EPS15: variants seen among roughly 807,000 people sequenced by gnomAD.
EPS15 encodes epidermal growth factor receptor pathway substrate 15, also known as epidermal growth factor receptor substrate 15.
In EPS15, 72 loss-of-function variants were observed where a neutral mutation model predicts 113.8. The ratio of observed to expected loss-of-function variants is 0.63; its 90% CI spans 0.52 to 0.77. EPS15 has a LOEUF of 0.77. Ranked by LOEUF, EPS15 falls within the 30% of genes least tolerant of loss-of-function variation. The probability of loss-of-function intolerance (pLI) is 0.00; values close to 1 mark genes in which losing one functional copy is unlikely to be tolerated. For synonymous variants in EPS15, 344 were observed against 363.4 expected, an observed-to-expected ratio of 0.95 and a Z score of 0.61; for missense variants, 1,048 against 1,045.8, an observed-to-expected ratio of 1.00 and a Z score of -0.03.
intron 1 of EPS15, among the ~76,000 whole-genome samples, chr1:51,482,706 T>C (rs1481111490): frequency 6.6e-6 from 1 of 152,142 alleles, no homozygotes; most frequent in Non-Finnish European, 1.5e-5. Context: ...TCTCAAGTGA[T>C]CCACCCGTTG....
chr1:51,475,130 C>T (rs1360455010), intron 2 of EPS15, among the ~76,000 whole-genome samples: 4 of 151,914 alleles, frequency 2.6e-5, no homozygotes, highest in Non-Finnish European at 4.4e-5. Context: ...TGAATAGTGC[C>T]GCAATAAACA....
At chr1:51,493,528 T>A (rs1463461593) in intron 1 of EPS15, among the ~76,000 whole-genome samples, 13 of 133,438 alleles carry the variant, frequency 9.7e-5, no homozygotes, top group Non-Finnish European at 1.9e-4. Flanking sequence ...CAGTCTCAAA[T>A]TAAATAAATA....
chr1:51,508,324 GAGAA>G (rs1644550274), intron 1 of EPS15, among the ~76,000 whole-genome samples: 2 of 123,824 alleles, frequency 1.6e-5, no homozygotes, highest in African/African-American at 7.0e-5. Flanking sequence ...GAGAGAAAGA[GAGAA>G]AGAGAAAGAG....
chr1:51,477,904 G>A (rs1337154858), intron 2 of EPS15, among the ~76,000 whole-genome samples: 1 of 152,198 alleles, frequency 6.6e-6, no homozygotes, highest in Non-Finnish European at 1.5e-5. Flanking sequence ...TAGGTGTGGT[G>A]TGGTGCTGAA....
intron 13 of EPS15, among the ~76,000 whole-genome samples, chr1:51,412,210 A>T (rs1649788594): frequency 6.6e-6 from 1 of 152,086 alleles, no homozygotes; most frequent in Non-Finnish European, 1.5e-5. Context: ...GCCTGTCGGG[A>T]GGTGGGGGAC....
chr1:51,499,823 T>A (rs929283081), intron 1 of EPS15, among the ~76,000 whole-genome samples: 1 of 152,242 alleles, frequency 6.6e-6, no homozygotes, highest in Non-Finnish European at 1.5e-5. Context: ...AACATAAAAT[T>A]GTACATTTTC....
intron 1 of EPS15, among the ~76,000 whole-genome samples, chr1:51,497,542 T>C (rs1644345219): frequency 6.6e-6 from 1 of 152,208 alleles, no homozygotes; most frequent in African/African-American, 2.4e-5. Flanking sequence ...TACTCATTAA[T>C]CAGCCAAGCA....
At chr1:51,448,420 G>A (rs1653250803) in intron 8 of EPS15, among the ~76,000 whole-genome samples, 1 of 151,932 alleles carries the variant, frequency 6.6e-6, no homozygotes, top group Non-Finnish European at 1.5e-5. Context: ...AATTTGAGAA[G>A]ACAACATATG....
In EPS15 at chr1:51,356,613, T is replaced by C; in HGVS notation, c.*87A>G. The C allele has an allele frequency of 8.7e-7, 1 of 1,145,420 alleles. No individual in the cohort carries two copies. The highest frequency in any genetic ancestry group is 1.2e-6 in the Non-Finnish European group (1 of 823,984). 71.0% of individuals were successfully genotyped at this position (1,145,420 alleles called of 1,614,324 possible). A position where few individuals can be genotyped will look rare whatever the true frequency, so the allele number is the denominator to read the frequency against. On this transcript the variant is annotated 3_prime_UTR_variant, in exon 25 of 25. Coordinates refer to ENST00000371733, the MANE Select transcript of EPS15 (RefSeq NM_001981.3). Reference sequence around the variant, plus strand: ...TCTCAAACCTTTTGTATTCCCATGCTCACAGGTAGTTTTGATACACATTGT... The same window carrying C: ...TCTCAAACCTTTTGTATTCCCATGCCCACAGGTAGTTTTGATACACATTGT...
At chr1:51,463,025 G>A (rs933005214) in intron 7 of EPS15, 1 of 151,778 alleles carries the variant, frequency 6.6e-6, no homozygotes, top group Non-Finnish European at 1.5e-5. Context: ...CACAGACTGC[G>A]CACCACCACG....
intron 8 of EPS15, among the ~76,000 whole-genome samples, chr1:51,448,579 G>C (rs1653267847): frequency 1.3e-5 from 2 of 152,070 alleles, no homozygotes; most frequent in Admixed American, 6.6e-5. Flanking sequence ...TAAAAAAAAT[G>C]CCCAATCTCA....
chr1:51,356,637 G>T lies in EPS15; in HGVS notation c.*63C>A. 1.4e-6 allele frequency: 2 copies of T among 1,436,376 alleles called. No individual in the cohort carries two copies. The highest frequency in any genetic ancestry group is 1.9e-6 in the Non-Finnish European group (2 of 1,044,934). The allele number at this position is 1,436,376 out of a possible 1,614,324, so 89.0% of individuals were successfully genotyped here. On this transcript the variant is annotated 3_prime_UTR_variant, in exon 25 of 25. Coordinates refer to ENST00000371733, the MANE Select transcript of EPS15 (RefSeq NM_001981.3). ...CTCACAGGTAGTTTTGATACACATT[G>T]TAAATAGTTTCAGTATTCAGGAAGA... is the stretch of plus-strand genomic sequence containing the variant.
chr1:51,436,274 G>A (rs1037295438), intron 12 of EPS15, among the ~76,000 whole-genome samples: 1 of 152,136 alleles, frequency 6.6e-6, no homozygotes, highest in Non-Finnish European at 1.5e-5. Context: ...TGAGGGATCT[G>A]AGTTGTATTT....
rs562199828 is a variant in EPS15, at chr1:51,476,094, T to C, written c.76-3146A>G. On this transcript the variant is annotated intron_variant, in intron 2 of 24. Coordinates refer to ENST00000371733, the MANE Select transcript of EPS15 (RefSeq NM_001981.3). ...TTTTGGTTACTGCAGCCTTGTAGCA[T>C]AGTTTGAAGTCAGGTAGTGTAATGC... Among the ~76,000 whole-genome samples, 143 of 152,310 alleles carry C rather than the reference T, an allele frequency of 9.4e-4. 1 individual carries two copies. Among genetic ancestry groups the C allele is most frequent in the Non-Finnish European group, 1.8e-3 (125 of 68,020 alleles).
chr1:51,502,227 T>C (rs72674556), intron 1 of EPS15, among the ~76,000 whole-genome samples: 2,933 of 152,184 alleles, frequency 0.019, 47 homozygotes, highest in Non-Finnish European at 0.031. Context: ...ATCTCACCAC[T>C]GCACTCCAGC....
At chr1:51,462,119 T>G (rs1654493669) in intron 7 of EPS15, 1 of 151,956 alleles carries the variant, frequency 6.6e-6, no homozygotes. Flanking sequence ...TCTCAACACT[T>G]TGGGAGGCTG....
intron 1 of EPS15, among the ~76,000 whole-genome samples, chr1:51,497,476 G>C (rs772129349): frequency 6.6e-6 from 1 of 152,142 alleles, no homozygotes; most frequent in Non-Finnish European, 1.5e-5. Context: ...ATGATACATG[G>C]ATATGGTGAC....
chr1:51,412,400 CTCTT>C (rs1216281974), intron 13 of EPS15, among the ~76,000 whole-genome samples: 2 of 152,150 alleles, frequency 1.3e-5, no homozygotes, highest in East Asian at 3.8e-4. Context: ...ATTAGATGTT[CTCTT>C]TCTGATTCCT....
intron 13 of EPS15, among the ~76,000 whole-genome samples, chr1:51,420,849 G>C (rs1650685319): frequency 6.6e-6 from 1 of 152,108 alleles, no homozygotes; most frequent in Non-Finnish European, 1.5e-5. Context: ...TCTAATGAAT[G>C]TCCTGCATCA....
Sources: allele counts gnomAD v4.1 joint callset (sites outside exome capture counted in the v4.1 genomes callset), GRCh38; gene constraint gnomAD v4.1.1; transcripts MANE v1.5; gene names NCBI Gene and HGNC (gene_info 2026-07-23, HGNC 2026-07-21).